SZT2: variants seen among roughly 807,000 people sequenced by gnomAD.
The protein encoded by SZT2 is KICSTOR complex protein SZT2.
In SZT2, 216 loss-of-function variants were observed where a neutral mutation model predicts 404.2. The ratio of observed to expected loss-of-function variants is 0.53; its 90% CI spans 0.48 to 0.60. SZT2 has a LOEUF of 0.60. Ranked by LOEUF, SZT2 falls within the 20% of genes least tolerant of loss-of-function variation. The pLI is 0.00. For missense variants in SZT2, 3,857 were observed against 4,459.2 expected, an observed-to-expected ratio of 0.86 and a Z score of 3.85; for synonymous variants, 1,693 against 1,749.9, an observed-to-expected ratio of 0.97 and a Z score of 0.81.
At position 43,430,858 on chromosome 1, in the gene SZT2, G is replaced by C. The variant is rs534923177; in HGVS notation, c.4774+69G>C. On this transcript the variant is annotated intron_variant, in intron 32 of 71. Coordinates refer to ENST00000634258, the MANE Select transcript of SZT2 (RefSeq NM_001365999.1). ...AGCCTGCCTAAGTGGGAGTGGAGGG[G>C]AGCCTAGGGTTATGTCTTTTAACAC... 9 of 1,581,548 alleles carry C rather than the reference G, an allele frequency of 5.7e-6. No homozygotes were observed. In the Admixed American group the frequency reaches 1.0e-4, roughly 18 times the overall value.
In SZT2 at chr1:43,452,680, C is replaced by T. The variant is rs1656572188; in HGVS notation, c.*2200C>T. On this transcript the variant is annotated 3_prime_UTR_variant, in exon 72 of 72. Transcript: ENST00000634258. ...CATGCTGCTGTCTCTACTTCCTCTCCTCGCATCTACTTAGCCTTTTCCCAT... is the reference window on the plus strand; with the variant it reads ...CATGCTGCTGTCTCTACTTCCTCTCTTCGCATCTACTTAGCCTTTTCCCAT... 3 of 604,760 alleles carry T rather than the reference C, an allele frequency of 5.0e-6. No individual in the cohort carries two copies. The highest frequency in any genetic ancestry group is 8.8e-6 in the Non-Finnish European group (3 of 339,878). 37.5% of individuals were successfully genotyped at this position (604,760 alleles called of 1,614,324 possible). A position where few individuals can be genotyped will look rare whatever the true frequency, so the allele number is the denominator to read the frequency against.
In SZT2 at chr1:43,447,972, G is replaced by A. The variant is rs1474581214; in HGVS notation, c.9563+1G>A. On this transcript the variant is annotated splice_donor_variant, in intron 68 of 71. Transcript: ENST00000634258. LOFTEE classifies it high-confidence loss of function. The stretch of plus-strand genomic sequence containing the variant: ...GAGAGGCTGAGCGGCACGTTCTGCG[G>A]TCAGCAGATCCCCTACCTTGAACAT... The A allele has an allele frequency of 1.2e-6, 2 of 1,613,806 alleles. No individual in the cohort carries two copies. Among genetic ancestry groups the A allele is most frequent in the Non-Finnish European group, 1.7e-6 (2 of 1,180,008 alleles).
In SZT2 at chr1:43,445,804, G is replaced by A. The variant is rs79271499; in HGVS notation, c.8826-90G>A. 2,326 of 1,306,210 alleles carry A rather than the reference G, an allele frequency of 1.8e-3. 4 individuals carry two copies. The highest frequency in any genetic ancestry group is 2.0e-3 in the Non-Finnish European group (1,856 of 909,086). 80.9% of individuals were successfully genotyped at this position (1,306,210 alleles called of 1,614,324 possible). ...GGGTCTGTTTCCTCCCTTGCAAAAT[G>A]ATTCCATATAAAACAGATTCTGGGT... is the stretch of plus-strand genomic sequence containing the variant. On this transcript the variant is annotated intron_variant, in intron 62 of 71. Transcript: ENST00000634258.
Position 43,432,590 on chromosome 1 carries a change from G to T in SZT2, c.5516G>T (p.Arg1839Leu), listed in dbSNP as rs760427137. 1 of 1,613,678 alleles carries T rather than the reference G, an allele frequency of 6.2e-7. No homozygotes were observed. The highest frequency in any genetic ancestry group is 8.5e-7 in the Non-Finnish European group (1 of 1,179,796). ...GGTGTCCCCCTCATCAGCCTGCCCC[G>T]CGTGCCACAGGGAGGTAAGAGAGGA... ...SEGVPLISLP[R>L]VPQGGSQPGP... The change falls in exon 38 of 72, where the codon CGC becomes CTC. Residue 1839 changes from arginine to leucine, a missense_variant. By Grantham distance (102) the Arg-to-Leu change is moderately radical. Transcript: ENST00000634258.
Position 43,403,282 on chromosome 1 carries a change from G to A in SZT2, c.133G>A (p.Ala45Thr). The change falls in exon 2 of 72, where the codon GCC becomes ACC. Residue 45 changes from alanine to threonine, a missense_variant. Around this residue, in one of 7 missense-constraint regions of SZT2, gnomAD observed 536 missense variants for 637.4 expected, o/e 0.84. Transcript: ENST00000634258. ...CAGTCATCTGCACCAAACTGTGCAGGCCACACCCCAGGAGATGCTGGTGAG... is the reference window on the plus strand; with the variant it reads ...CAGTCATCTGCACCAAACTGTGCAGACCACACCCCAGGAGATGCTGGTGAG... Reference protein sequence around the residue: ...FLSHLHQTVQATPQEMLLQSE... With the variant: ...FLSHLHQTVQTTPQEMLLQSE... The A allele has an allele frequency of 2.5e-6, 4 of 1,613,746 alleles. No individual in the cohort carries two copies. The South Asian group carries it at 3.3e-5, about 13-fold the overall frequency.
rs769983506 is a variant in SZT2, at chr1:43,422,608, A to G, written c.1898A>G (p.Tyr633Cys). 6.3e-7 allele frequency: 1 copy of G among 1,596,706 alleles called. No individual in the cohort carries two copies. The highest frequency in any genetic ancestry group is 1.1e-5 in the South Asian group (1 of 90,892). ...AGCAGCTTCGTACTAGTCGAGGGCT[A>G]TTCTTATGTTAAGCTGCTCTCCAGG... is the stretch of plus-strand genomic sequence containing the variant. ...DWSSFVLVEGYSYVKLLSSAP... is the reference protein window; with the variant it reads ...DWSSFVLVEGCSYVKLLSSAP... The change falls in exon 13 of 72, where the codon TAT becomes TGT. Residue 633 changes from tyrosine to cysteine, a missense_variant. Tyr to Cys is a radical substitution (Grantham distance 194). Coordinates refer to ENST00000634258, the MANE Select transcript of SZT2 (RefSeq NM_001365999.1).
chr1:43,439,696 C>CA lies in SZT2; in HGVS notation c.6969_6970insA (p.Pro2324ThrfsTer8). ...CCCCCTCCTCTCCGGGGCCCCCAGA[C>CA]CCACTGCGAGAGGAGGAATTTGAGC... On this transcript the variant is annotated frameshift_variant, in exon 50 of 72. Transcript: ENST00000634258. LOFTEE classifies it high-confidence loss of function. This position sits in a 1 kb window ranked among gnomAD's most constrained non-coding sequence, Gnocchi z 4.2. The CA allele has an allele frequency of 6.2e-7, 1 of 1,612,422 alleles. No homozygotes were observed. The highest frequency in any genetic ancestry group is 8.5e-7 in the Non-Finnish European group (1 of 1,179,188).
chr1:43,445,853 C>T (rs1237155650), intron 62 of SZT2, 41 bp from the exon 63 acceptor site: 1 of 1,588,712 alleles, frequency 6.3e-7, no homozygotes, highest in Non-Finnish European at 8.6e-7. Context: ...CTGCATGCCA[C>T]TAGCCTGCCT....
At chr1:43,435,115 T>C in intron 41 of SZT2, 85 bp from the exon 42 acceptor site, 1 of 1,493,814 alleles carries the variant, frequency 6.7e-7, no homozygotes, top group Non-Finnish European at 9.1e-7. Flanking sequence ...GTGGTCATTC[T>C]CTCTGGCATT....
rs1655646062 is a variant in SZT2, at chr1:43,446,167, T to C, written c.8917-12T>C. On this transcript the variant is annotated splice_polypyrimidine_tract_variant and intron_variant, in intron 63 of 71. Coordinates refer to ENST00000634258, the MANE Select transcript of SZT2 (RefSeq NM_001365999.1). ...GAGCCCCCAAACCTTGCCCCCTTTT[T>C]TGTTTCTTCAGAGCACTAGCTCTCC... is the stretch of plus-strand genomic sequence containing the variant. The C allele has an allele frequency of 3.1e-6, 5 of 1,614,164 alleles. No homozygotes were observed. The highest frequency in any genetic ancestry group is 4.2e-6 in the Non-Finnish European group (5 of 1,180,024).
In SZT2 at chr1:43,447,184, C is replaced by T; in HGVS notation, c.9286+16C>T. On this transcript the variant is annotated intron_variant, in intron 66 of 71. Coordinates refer to ENST00000634258, the MANE Select transcript of SZT2 (RefSeq NM_001365999.1). ...ATTTACCAAGGTCAGTGCCCAAGGG[C>T]AAGCCAGTGAACCCAAAAAAGAACA... 6.3e-7 allele frequency: 1 copy of T among 1,599,476 alleles called. No homozygotes were observed. Among genetic ancestry groups the T allele is most frequent in the Non-Finnish European group, 8.5e-7 (1 of 1,174,816 alleles).
rs763451155 is a variant in SZT2 at position 43,447,647 on chromosome 1, G to A, written c.9389G>A (p.Arg3130Gln). Residue 3130 changes from arginine to glutamine, a missense_variant, in exon 67 of 72, where the codon CGG becomes CAG. By Grantham distance (43) the Arg-to-Gln change is conservative. Coordinates refer to ENST00000634258, the MANE Select transcript of SZT2 (RefSeq NM_001365999.1). Reference sequence around the variant, plus strand: ...CACATGAAGCCATTGCGAATGGCCCGGCCAGGGGGCCCAGAACACAACGAG... The same window carrying A: ...CACATGAAGCCATTGCGAATGGCCCAGCCAGGGGGCCCAGAACACAACGAG... ...SYHMKPLRMA[R>Q]PGGPEHNEYA... The A allele has an allele frequency of 1.9e-5, 30 of 1,614,054 alleles. No homozygotes were observed. Among genetic ancestry groups the A allele is most frequent in the South Asian group, 3.3e-5 (3 of 91,082 alleles).
At chr1:43,394,186 G>A (rs892602112) in intron 1 of SZT2, 2 of 342,432 alleles carry the variant, frequency 5.8e-6, no homozygotes, top group Non-Finnish European at 8.2e-6. Context: ...TTAGAATGTA[G>A]ATTCTGGAGC....
At position 43,451,723 on chromosome 1, in the gene SZT2, G is replaced by T. The variant is rs746076859; in HGVS notation, c.*1243G>T. The stretch of plus-strand genomic sequence containing the variant: ...ATCTGCCAGTGGAATATGTCCTAGG[G>T]AAGAGGATACTACATTCCGAGACCC... On this transcript the variant is annotated 3_prime_UTR_variant, in exon 72 of 72. Coordinates refer to ENST00000634258, the MANE Select transcript of SZT2 (RefSeq NM_001365999.1). The T allele has an allele frequency of 6.2e-7, 1 of 1,614,084 alleles. No individual in the cohort carries two copies. Among genetic ancestry groups the T allele is most frequent in the South Asian group, 1.1e-5 (1 of 91,076 alleles).
chr1:43,430,326 G>T lies in SZT2; in HGVS notation c.4417G>T (p.Asp1473Tyr). Residue 1473 changes from aspartate to tyrosine, a missense_variant, in exon 31 of 72, where the codon GAC (aspartate) becomes TAC (tyrosine). By Grantham distance (160) the Asp-to-Tyr change is radical. Coordinates refer to ENST00000634258, the MANE Select transcript of SZT2 (RefSeq NM_001365999.1). ...SSRREDEGPR[D>Y]TVDRKISDLE... ...TTTTGCCTAGGATGAGGGGCCTCGG[G>T]ACACAGTAGACAGAAAAATCAGTGA... is the stretch of plus-strand genomic sequence containing the variant. The T allele has an allele frequency of 6.2e-7, 1 of 1,612,372 alleles. No homozygotes were observed. Among genetic ancestry groups the T allele is most frequent in the African/African-American group, 1.3e-5 (1 of 74,802 alleles).
chr1:43,431,802 C>T lies in SZT2; in HGVS notation c.5175C>T (p.Ala1725=), dbSNP rs770304459. 2 of 1,614,186 alleles carry T rather than the reference C, an allele frequency of 1.2e-6. No individual in the cohort carries two copies. The highest frequency in any genetic ancestry group is 2.7e-5 in the African/African-American group (2 of 75,034). The stretch of plus-strand genomic sequence containing the variant: ...GTCCTGCCCTGCACCGCGCAGCTGC[C>T]CATATCCATAGTTCTCCTGGACGCT... ...PQSPALHRAA[A]HIHSSPGRST... Residue 1725 remains alanine (A), a synonymous_variant, in exon 36 of 72, where the codon GCC becomes GCT. Coordinates refer to ENST00000634258, the MANE Select transcript of SZT2 (RefSeq NM_001365999.1).
intron 70 of SZT2, chr1:43,449,065 C>CTT: frequency 3.6e-6 from 1 of 275,944 alleles, no homozygotes; most frequent in East Asian, 8.6e-5. Context: ...AGCCTTGTTA[C>CTT]TTAAAGTGTG....
rs1255998291 is a variant in SZT2 at position 43,442,553 on chromosome 1, C to A, written c.8086C>A (p.Leu2696Ile). The A allele has an allele frequency of 6.2e-7, 1 of 1,614,016 alleles. No homozygotes were observed. The highest frequency in any genetic ancestry group is 8.5e-7 in the Non-Finnish European group (1 of 1,179,948). The change falls in exon 58 of 72, where the codon CTC (leucine) becomes ATC (isoleucine). Residue 2696 changes from leucine to isoleucine, a missense_variant. Around this residue, in one of 7 missense-constraint regions of SZT2, gnomAD observed 573 missense variants for 592.4 expected, o/e 0.97. Transcript: ENST00000634258. The surrounding 1 kb of genome is among the most constrained non-coding windows in gnomAD (Gnocchi z 4.5). ...NARAHLIFCL[L>I]SQKLGLFHHY... is the part of the protein sequence containing the mutation. ...ACGAGCCCATCTCATCTTCTGCCTACTCAGCCAGAAGCTTGGCCTCTTCCA... is the reference window on the plus strand; with the variant it reads ...ACGAGCCCATCTCATCTTCTGCCTAATCAGCCAGAAGCTTGGCCTCTTCCA...
chr1:43,447,453 A>G (rs1655812527), intron 66 of SZT2, 92 bp from the exon 67 acceptor site: 2 of 1,512,244 alleles, frequency 1.3e-6, no homozygotes, highest in East Asian at 4.5e-5. Flanking sequence ...CCTGCCAGTC[A>G]GAGCCTTAAA....
Sources: allele counts gnomAD v4.1 joint callset, GRCh38; gene constraint gnomAD v4.1.1; regional missense constraint gnomAD v4.1.1; non-coding constraint Gnocchi (gnomAD v3.1); transcripts MANE v1.5; gene names NCBI Gene and HGNC (gene_info 2026-07-23, HGNC 2026-07-21).